Variants in AGAP3 observed in about 807,000 individuals in gnomAD.
AGAP3 encodes the protein ArfGAP with GTPase domain, ankyrin repeat and PH domain 3.
Under a neutral mutation model 96.9 loss-of-function variants are expected in AGAP3, and 24 were observed. The observed-to-expected ratio is 0.25, with a 90% confidence interval of 0.18 to 0.35. The LOEUF is 0.35. AGAP3 is among the 10% of genes least tolerant of loss of function. AGAP3 has a pLI of 1.00. For synonymous variants in AGAP3, 563 were observed against 536.1 expected (o/e 1.05, Z -0.69); for missense variants, 876 against 1,254.2 (o/e 0.70, Z 4.55).
chr7:151,126,376 G>A (rs1800175215), intron 9 of AGAP3, among the ~76,000 whole-genome samples: 1 of 151,452 alleles, frequency 6.6e-6, no homozygotes, highest in African/African-American at 2.4e-5. Context: ...AGAGCGGAGC[G>A]GGGCGGGGCG....
Position 151,142,574 on chromosome 7 carries a change from C to G in AGAP3, c.2213C>G (p.Ala738Gly). ...AVMTAMGNALANSVWEGALGG... is the reference protein window; with the variant it reads ...AVMTAMGNALGNSVWEGALGG... Reference sequence around the variant, plus strand: ...ATGACTGCCATGGGCAATGCCCTCGCCAACAGCGTCTGGGAGGGGGCCTTG... The same window carrying G: ...ATGACTGCCATGGGCAATGCCCTCGGCAACAGCGTCTGGGAGGGGGCCTTG... Residue 738 changes from alanine to glycine, a missense_variant, in exon 16 of 18, where the codon GCC becomes GGC. Ala to Gly is a moderately conservative substitution (Grantham distance 60). Around this residue, in one of 8 missense-constraint regions of AGAP3, gnomAD observed 213 missense variants for 253.8 expected, o/e 0.84. Coordinates refer to ENST00000397238, the MANE Select transcript of AGAP3 (RefSeq NM_031946.7). The surrounding 1 kb of genome is among the most constrained non-coding windows in gnomAD (Gnocchi z 7.5). The G allele has an allele frequency of 1.2e-6, 2 of 1,613,670 alleles. No individual in the cohort carries two copies. Among genetic ancestry groups the G allele is most frequent in the Non-Finnish European group, 1.7e-6 (2 of 1,180,026 alleles).
At chr7:151,095,540 C>T (rs866430785) in intron 1 of AGAP3, among the ~76,000 whole-genome samples, 3 of 151,882 alleles carry the variant, frequency 2.0e-5, no homozygotes, top group Admixed American at 6.6e-5. Flanking sequence ...GAGGGAGGAC[C>T]GAAAAGTCTA....
chr7:151,087,197 G>A, intron 1 of AGAP3, 125 bp downstream of exon 1: 1 of 1,049,932 alleles, frequency 9.5e-7, no homozygotes, highest in Non-Finnish European at 1.4e-6. Flanking sequence ...TGAGGACCAG[G>A]CCACGAGGTT....
At position 151,109,181 on chromosome 7, in the gene AGAP3, C is replaced by A. The variant is rs200785712; in HGVS notation, c.332-7612C>A. Among the ~76,000 whole-genome samples, 302 of 130,316 alleles carry A rather than the reference C, an allele frequency of 2.3e-3. 1 individual carries two copies. Among genetic ancestry groups the A allele is most frequent in the East Asian group, 0.01 (47 of 4,504 alleles). The allele number at this position is 130,316 out of a possible 152,430, so 85.5% of individuals were successfully genotyped here. ...CCACCTCTGTAAAAAAAAAAAAAAACAAAAAACAAAAAACAAAGAAAACAA... is the reference window on the plus strand; with the variant it reads ...CCACCTCTGTAAAAAAAAAAAAAAAAAAAAAACAAAAAACAAAGAAAACAA... On this transcript the variant is annotated intron_variant, in intron 1 of 17. Coordinates refer to ENST00000397238, the MANE Select transcript of AGAP3 (RefSeq NM_031946.7).
intron 1 of AGAP3, chr7:151,115,086 C>T (rs1799488246): frequency 9.7e-7 from 1 of 1,028,880 alleles, no homozygotes; most frequent in Non-Finnish European, 1.2e-6. Flanking sequence ...CGCGTCCAGC[C>T]CCGCGCCGAC....
rs940765542 is a variant in AGAP3, at chr7:151,140,462, G to A, written c.1804+346G>A. The A allele has an allele frequency of 5.9e-6, 1 of 169,238 alleles. No homozygotes were observed. Among genetic ancestry groups the A allele is most frequent in the African/African-American group, 2.4e-5 (1 of 41,974 alleles). The allele number at this position is 169,238 out of a possible 1,614,324, so 10.5% of individuals were successfully genotyped here. ...CATACCGAGTTTAATAAAGTGCTGG[G>A]TACTTACTAGGTGCGTAATACATGT... On this transcript the variant is annotated intron_variant, in intron 13 of 17. Coordinates refer to ENST00000397238, the MANE Select transcript of AGAP3 (RefSeq NM_031946.7). This position sits in a 1 kb window ranked among gnomAD's most constrained non-coding sequence, Gnocchi z 5.4.
intron 8 of AGAP3, chr7:151,123,049 G>GGC: frequency 7.7e-7 from 1 of 1,306,138 alleles, no homozygotes; most frequent in Non-Finnish European, 9.7e-7. Flanking sequence ...CCCCACGCCC[G>GGC]GCGCTGGCCA....
At chr7:151,135,805 A>G (rs2150524726) in intron 11 of AGAP3, among the ~76,000 whole-genome samples, 1 of 152,336 alleles carries the variant, frequency 6.6e-6, no homozygotes, top group African/African-American at 2.4e-5. Context: ...CCCCATTTTA[A>G]TGAGGAAACA....
intron 1 of AGAP3, among the ~76,000 whole-genome samples, chr7:151,088,784 G>A (rs1798259165): frequency 6.6e-6 from 1 of 152,238 alleles, no homozygotes; most frequent in African/African-American, 2.4e-5. Flanking sequence ...GTGATGTGAA[G>A]GCTGATTCCT....
At chr7:151,130,688 G>A (rs1160401301) in intron 10 of AGAP3, among the ~76,000 whole-genome samples, 1 of 152,122 alleles carries the variant, frequency 6.6e-6, no homozygotes, top group African/African-American at 2.4e-5. Flanking sequence ...TCCTGTCACA[G>A]GCCCCGAAGC....
Position 151,117,627 on chromosome 7 carries a change from C to G in AGAP3, c.565-9C>G, listed in dbSNP as rs144309190. 666 of 1,613,846 alleles carry G rather than the reference C, an allele frequency of 4.1e-4. No homozygotes were observed. Among genetic ancestry groups the G allele is most frequent in the Non-Finnish European group, 5.5e-4 (644 of 1,179,816 alleles). On this transcript the variant is annotated splice_polypyrimidine_tract_variant and intron_variant, in intron 4 of 17. Transcript: ENST00000397238. ...GTTGCGGGTGCTAATTTTACTTGCT[C>G]TACCCTAGTTTGCTGCCTGGGTGGA...
In AGAP3 at chr7:151,141,664, A is replaced by T; in HGVS notation, c.1805-234A>T. 1 of 553,364 alleles carries T rather than the reference A, an allele frequency of 1.8e-6. No homozygotes were observed. The highest frequency in any genetic ancestry group is 3.2e-6 in the Non-Finnish European group (1 of 308,242). The allele number at this position is 553,364 out of a possible 1,614,324, so 34.3% of individuals were successfully genotyped here. A position where few individuals can be genotyped will look rare whatever the true frequency, so the allele number is the denominator to read the frequency against. ...GATCTTGCATCCCCCATCTGTTTTC[A>T]CTTAAGCTCCACAGGTGGTTAGGAA... On this transcript the variant is annotated intron_variant, in intron 13 of 17. Transcript: ENST00000397238. This position sits in a 1 kb window ranked among gnomAD's most constrained non-coding sequence, Gnocchi z 4.2.
chr7:151,116,912 G>A (rs751672674), intron 2 of AGAP3, 61 bp downstream of exon 2: 76 of 1,600,484 alleles, frequency 4.7e-5, no homozygotes, highest in South Asian at 5.5e-5. Context: ...GCTGGGTGCC[G>A]CGGGCCTGGG....
At chr7:151,131,130 G>T (rs1800386663) in intron 10 of AGAP3, 1 of 152,284 alleles carries the variant, frequency 6.6e-6, no homozygotes, top group Non-Finnish European at 1.5e-5. Context: ...ATGGATGGGG[G>T]CCGGGGAGAC....
In AGAP3 at chr7:151,118,605, C is replaced by T; in HGVS notation, c.942C>T (p.Ala314=). 1 of 1,613,828 alleles carries T rather than the reference C, an allele frequency of 6.2e-7. No homozygotes were observed. The highest frequency in any genetic ancestry group is 1.6e-4 in the Middle Eastern group (1 of 6,062). Reference sequence around the variant, plus strand: ...CCAGCCACTCGGCCGTGTCCGCCGCCTCCATCCCGGCCGTGCACATCAACC... The same window carrying T: ...CCAGCCACTCGGCCGTGTCCGCCGCTTCCATCCCGGCCGTGCACATCAACC... ...NSPSHSAVSA[A]SIPAVHINQA... The change falls in exon 7 of 18, where the codon GCC becomes GCT. Residue 314 remains alanine (A), a synonymous_variant. Transcript: ENST00000397238. This position sits in a 1 kb window ranked among gnomAD's most constrained non-coding sequence, Gnocchi z 6.1.
At chr7:151,094,716 T>C (rs1454562953) in intron 1 of AGAP3, among the ~76,000 whole-genome samples, 1 of 152,212 alleles carries the variant, frequency 6.6e-6, no homozygotes, top group Non-Finnish European at 1.5e-5. Flanking sequence ...GGTCTCACTA[T>C]GTTGCCCAGG....
At chr7:151,120,285 G>A (rs889922144) in intron 8 of AGAP3, 140 bp downstream of exon 8, 1 of 921,868 alleles carries the variant, frequency 1.1e-6, no homozygotes, top group Non-Finnish European at 1.6e-6. Flanking sequence ...GATACACACG[G>A]CTCCCGAGGG....
chr7:151,113,246 A>T (rs1340101869), intron 1 of AGAP3, among the ~76,000 whole-genome samples: 1 of 152,118 alleles, frequency 6.6e-6, no homozygotes, highest in East Asian at 1.9e-4. Context: ...CTGCCTGGGG[A>T]CCTGGGAAGG....
rs774061467 is a variant in AGAP3, at chr7:151,138,215, C to T, written c.1568C>T (p.Pro523Leu). The T allele has an allele frequency of 3.0e-5, 49 of 1,611,786 alleles. No homozygotes were observed. The highest frequency in any genetic ancestry group is 5.5e-5 in the South Asian group (5 of 90,838). ...RPLSSSAWAG[P>L]RPEGLHQRSC... Reference sequence around the variant, plus strand: ...CTCAGCAGCTCGGCCTGGGCTGGCCCGCGCCCTGAGGGGCTGCACCAGCGC... The same window carrying T: ...CTCAGCAGCTCGGCCTGGGCTGGCCTGCGCCCTGAGGGGCTGCACCAGCGC... Residue 523 changes from proline to leucine, a missense_variant, in exon 12 of 18, where the codon CCG (proline) becomes CTG (leucine). Coordinates refer to ENST00000397238, the MANE Select transcript of AGAP3 (RefSeq NM_031946.7).
Sources: allele counts gnomAD v4.1 joint callset (sites outside exome capture counted in the v4.1 genomes callset), GRCh38; gene constraint gnomAD v4.1.1; regional missense constraint gnomAD v4.1.1; non-coding constraint Gnocchi (gnomAD v3.1); transcripts MANE v1.5; gene names NCBI Gene and HGNC (gene_info 2026-07-23, HGNC 2026-07-21).